Variants in SLC35D2 observed in about 807,000 individuals in gnomAD.
SLC35D2 encodes the protein nucleotide sugar transporter SLC35D2.
SLC35D2 carries 43 observed loss-of-function variants against 41.8 expected under a neutral mutation model. That is an observed-to-expected ratio of 1.03 (90% confidence interval 0.81 to 1.33). The LOEUF is 1.33. Among genes scored for constraint, SLC35D2 ranks in the 40% most tolerant of loss-of-function variants. SLC35D2 has a pLI of 0.00. For missense variants in SLC35D2, 380 were observed against 408.4 expected, an observed-to-expected ratio of 0.93 and a Z score of 0.60; for synonymous variants, 150 against 163.9, an observed-to-expected ratio of 0.92 and a Z score of 0.65.
At chr9:96,364,980 G>T (rs1295130373) in intron 2 of SLC35D2, among the ~76,000 whole-genome samples, 1 of 149,106 alleles carries the variant, frequency 6.7e-6, no homozygotes, top group Non-Finnish European at 1.5e-5. Flanking sequence ...AACCTGAGAG[G>T]CCAAGGTTGC....
intron 3 of SLC35D2, 35 bp from the exon 4 acceptor site, chr9:96,360,256 A>G: frequency 3.3e-6 from 5 of 1,510,342 alleles, no homozygotes; most frequent in Non-Finnish European, 4.6e-6. Flanking sequence ...ATATTTGGTT[A>G]GAACTCCAAT....
intron 1 of SLC35D2, among the ~76,000 whole-genome samples, chr9:96,370,802 A>G (rs967139931): frequency 6.6e-6 from 1 of 152,190 alleles, no homozygotes; most frequent in African/African-American, 2.4e-5. Flanking sequence ...GCCATAGAAC[A>G]CCTCAGAAAG....
At chr9:96,322,266 C>T (rs1380186458) in intron 10 of SLC35D2, among the ~76,000 whole-genome samples, 186 bp from the exon 11 acceptor site, 2 of 152,194 alleles carry the variant, frequency 1.3e-5, no homozygotes, top group African/African-American at 2.4e-5. Flanking sequence ...CGCCTGTAAT[C>T]CCAATACTTT....
At chr9:96,358,417 A>C (rs943055083) in intron 4 of SLC35D2, among the ~76,000 whole-genome samples, 7 of 152,128 alleles carry the variant, frequency 4.6e-5, no homozygotes, top group Non-Finnish European at 1.0e-4. Flanking sequence ...TTAAAATTAA[A>C]AACTTCTGCT....
chr9:96,344,753 C>T (rs1444021575), intron 7 of SLC35D2, among the ~76,000 whole-genome samples: 1 of 149,612 alleles, frequency 6.7e-6, no homozygotes, highest in East Asian at 1.9e-4. Context: ...GATGGGGCCT[C>T]CACGTGACAG....
chr9:96,341,279 G>T (rs1292417862), intron 8 of SLC35D2, among the ~76,000 whole-genome samples: 1 of 151,962 alleles, frequency 6.6e-6, no homozygotes, highest in Non-Finnish European at 1.5e-5. Context: ...AGAGTGAGAC[G>T]CTGTCTCAAA....
chr9:96,320,321 C>T (rs1433546275), downstream of SLC35D2, among the ~76,000 whole-genome samples: 1 of 152,168 alleles, frequency 6.6e-6, no homozygotes, highest in Non-Finnish European at 1.5e-5. Context: ...CAAGACTAGC[C>T]TGGCCAACAT....
At chr9:96,373,024 C>T (rs887330862) in intron 1 of SLC35D2, among the ~76,000 whole-genome samples, 2 of 150,590 alleles carry the variant, frequency 1.3e-5, no homozygotes, top group African/African-American at 4.9e-5. Flanking sequence ...CTCAGCCTTC[C>T]GAATGTCTGG....
intron 4 of SLC35D2, among the ~76,000 whole-genome samples, chr9:96,356,476 A>G (rs1211453188): frequency 1.3e-5 from 2 of 151,818 alleles, no homozygotes; most frequent in African/African-American, 4.8e-5. Context: ...ACTATCTTGA[A>G]AAAGAAGAAC....
At chr9:96,364,651 A>G in intron 2 of SLC35D2, 101 bp from the exon 3 acceptor site, 1 of 743,340 alleles carries the variant, frequency 1.3e-6, no homozygotes, top group Non-Finnish European at 2.4e-6. Context: ...AAAAAGAAAT[A>G]TAGCAAAAAA....
intron 2 of SLC35D2, 31 bp downstream of exon 2, chr9:96,368,241 T>C: frequency 6.4e-7 from 1 of 1,553,824 alleles, no homozygotes; most frequent in East Asian, 2.2e-5. Context: ...GATAACAAAA[T>C]AAGAGGTTAA....
chr9:96,355,408 C>A lies in SLC35D2; in HGVS notation c.348-3299G>T, dbSNP rs945483704. ...CTGAGACAAGAGGATGGCTTGAGCA[C>A]AGGAGGTCGAGGCTACTGCAGTGAG... On this transcript the variant is annotated intron_variant, in intron 4 of 11. Transcript: ENST00000253270. 4.0e-5 allele frequency among the ~76,000 whole-genome samples: 6 copies of A among 151,760 alleles called. No individual in the cohort carries two copies. The East Asian group carries it at 7.8e-4, about 20-fold the overall frequency.
At chr9:96,343,484 C>A (rs902169139) in intron 8 of SLC35D2, among the ~76,000 whole-genome samples, 1 of 152,186 alleles carries the variant, frequency 6.6e-6, no homozygotes. Flanking sequence ...GGGTCCCTGA[C>A]AACTCATTGA....
chr9:96,342,861 A>C (rs1829396903), intron 8 of SLC35D2, among the ~76,000 whole-genome samples: 1 of 152,128 alleles, frequency 6.6e-6, no homozygotes, highest in African/African-American at 2.4e-5. Context: ...AAGAGCTGCA[A>C]ATGGGATTGA....
At chr9:96,339,603 C>T (rs925614690) in intron 8 of SLC35D2, among the ~76,000 whole-genome samples, 1 of 151,970 alleles carries the variant, frequency 6.6e-6, no homozygotes, top group Admixed American at 6.6e-5. Context: ...ACTGTTGGAA[C>T]GTGAGTCTTT....
chr9:96,373,913 T>A (rs916960450), intron 1 of SLC35D2: 1 of 152,180 alleles, frequency 6.6e-6, no homozygotes, highest in Non-Finnish European at 1.5e-5. Flanking sequence ...AAAAGTCAAA[T>A]GATACAATGT....
At chr9:96,325,189 T>C (rs1251919697) in intron 9 of SLC35D2, among the ~76,000 whole-genome samples, 1 of 152,066 alleles carries the variant, frequency 6.6e-6, no homozygotes, top group Non-Finnish European at 1.5e-5. Context: ...AGAAAACACA[T>C]ACACAGGTAA....
At chr9:96,374,514 C>G (rs1830848779) in intron 1 of SLC35D2, among the ~76,000 whole-genome samples, 1 of 110,690 alleles carries the variant, frequency 9.0e-6, no homozygotes, top group African/African-American at 3.6e-5. Flanking sequence ...AGCCTGGCGA[C>G]AAAGCGAGAC....
At chr9:96,357,178 C>CA (rs1275240344) in intron 4 of SLC35D2, among the ~76,000 whole-genome samples, 1 of 151,762 alleles carries the variant, frequency 6.6e-6, no homozygotes, top group East Asian at 1.9e-4. Flanking sequence ...AACTCCATCT[C>CA]AAAAAATAAA....
Sources: allele counts gnomAD v4.1 joint callset (sites outside exome capture counted in the v4.1 genomes callset), GRCh38; gene constraint gnomAD v4.1.1; transcripts MANE v1.5; gene names NCBI Gene and HGNC (gene_info 2026-07-23, HGNC 2026-07-21).